Variants in ANKHD1 observed in about 807,000 individuals in gnomAD.
ANKHD1 encodes ankyrin repeat and KH domain-containing protein 1.
In ANKHD1, 31 loss-of-function variants were observed where a neutral mutation model predicts 230.5. The ratio of observed to expected loss-of-function variants is 0.13; its 90% CI spans 0.10 to 0.18. The LOEUF (loss-of-function observed/expected upper bound fraction) is 0.18. Ranked by LOEUF, ANKHD1 falls within the 10% of genes least tolerant of loss-of-function variation. The pLI is 1.00. For missense variants in ANKHD1, 2,256 were observed against 3,071.3 expected (o/e 0.73, Z 6.27); for synonymous variants, 1,074 against 1,117.6 (o/e 0.96, Z 0.78).
intron 5 of ANKHD1, among the ~76,000 whole-genome samples, chr5:140,444,234 A>G (rs1421849959): frequency 1.3e-5 from 2 of 152,070 alleles, no homozygotes; most frequent in African/African-American, 2.4e-5. Flanking sequence ...AACCCCACAG[A>G]TACCCCTCCT....
At chr5:140,528,123 A>G (rs1464002582) in intron 28 of ANKHD1, 61 bp from the exon 29 acceptor site, 2 of 1,503,376 alleles carry the variant, frequency 1.3e-6, no homozygotes, top group Non-Finnish European at 1.8e-6. Context: ...GATGGTTAAG[A>G]TTACCTTTTT....
chr5:140,496,680 G>A lies in ANKHD1; in HGVS notation c.2406G>A (p.Lys802=), dbSNP rs979545710. ...GTGCTATTGAAAAAGCACAGCTTAA[G>A]TCACTGGAGTTAATTCAAGGTGAAC... is the stretch of plus-strand genomic sequence containing the variant. ...RISAIEKAQL[K]SLELIQGEPL... The change falls in exon 15 of 34, where the codon AAG becomes AAA. Residue 802 remains lysine (K), a synonymous_variant. Transcript: ENST00000360839. 8 of 1,613,954 alleles carry A rather than the reference G, an allele frequency of 5.0e-6. No individual in the cohort carries two copies. The highest frequency in any genetic ancestry group is 5.9e-6 in the Non-Finnish European group (7 of 1,180,002).
chr5:140,520,791 G>A (rs1234301081), intron 24 of ANKHD1, among the ~76,000 whole-genome samples: 2 of 120,532 alleles, frequency 1.7e-5, no homozygotes, highest in Admixed American at 9.2e-5. Context: ...GGGTGGGGGG[G>A]AGGGGGGAGG....
chr5:140,440,376 C>T (rs1773761524), intron 4 of ANKHD1, 110 bp downstream of exon 4: 1 of 1,392,718 alleles, frequency 7.2e-7, no homozygotes, highest in South Asian at 1.7e-5. Context: ...TCTTCTCTTC[C>T]CCCATCCTCC....
chr5:140,508,356 C>T (rs1276829616), intron 20 of ANKHD1, among the ~76,000 whole-genome samples: 1 of 152,136 alleles, frequency 6.6e-6, no homozygotes, highest in African/African-American at 2.4e-5. Flanking sequence ...GTAAAAATCC[C>T]AAGCAAAAAT....
In ANKHD1 at chr5:140,436,206, A is replaced by G. The variant is rs767209694; in HGVS notation, c.409A>G (p.Thr137Ala). 1.9e-6 allele frequency: 3 copies of G among 1,606,354 alleles called. No homozygotes were observed. Among genetic ancestry groups the G allele is most frequent in the Admixed American group, 3.4e-5 (2 of 58,684 alleles). ...SSTAEGADLRTVDPETQARLE... is the reference protein window; with the variant it reads ...SSTAEGADLRAVDPETQARLE... Reference sequence around the variant, plus strand: ...TACTGCAGAAGGAGCAGACTTACGCACTGTGGATCCAGAGACACAGGCACG... The same window carrying G: ...TACTGCAGAAGGAGCAGACTTACGCGCTGTGGATCCAGAGACACAGGCACG... Residue 137 changes from threonine to alanine, a missense_variant, in exon 2 of 34, where the codon ACT becomes GCT. Thr to Ala is a moderately conservative substitution (Grantham distance 58). Around this residue, in one of 13 missense-constraint regions of ANKHD1, gnomAD observed 193 missense variants for 185.8 expected, o/e 1.04. Coordinates refer to ENST00000360839, the MANE Select transcript of ANKHD1 (RefSeq NM_017747.3).
Position 140,535,458 on chromosome 5 carries a change from A to G in ANKHD1, c.6947A>G (p.Gln2316Arg), listed in dbSNP as rs149611038. ...SGIPGTRVFL[Q>R]GPAPVGTPSF... ...ATACCAGGAACAAGGGTTTTCCTGCAAGGGCCAGCTCCTGTTGGGACTCCT... is the reference window on the plus strand; with the variant it reads ...ATACCAGGAACAAGGGTTTTCCTGCGAGGGCCAGCTCCTGTTGGGACTCCT... The change falls in exon 30 of 34, where the codon CAA becomes CGA. Residue 2316 changes from glutamine (Q) to arginine (R), a missense_variant. Coordinates refer to ENST00000360839, the MANE Select transcript of ANKHD1 (RefSeq NM_017747.3). The G allele has an allele frequency of 8.8e-5, 142 of 1,613,800 alleles. No homozygotes were observed. In the African/African-American group the frequency reaches 1.7e-3, roughly 20 times the overall value.
At chr5:140,459,565 T>C (rs1349443912) in intron 9 of ANKHD1, among the ~76,000 whole-genome samples, 2 of 152,110 alleles carry the variant, frequency 1.3e-5, no homozygotes, top group African/African-American at 4.8e-5. Context: ...TAAGTTTTAA[T>C]GATATATTGC....
intron 5 of ANKHD1, among the ~76,000 whole-genome samples, chr5:140,444,237 C>T (rs1774100831): frequency 2.0e-5 from 3 of 152,062 alleles, no homozygotes; most frequent in Non-Finnish European, 2.9e-5. Flanking sequence ...CCCACAGATA[C>T]CCCTCCTCGC....
Position 140,496,917 on chromosome 5 carries a change from A to AGGG in ANKHD1, c.2645_2647dup (p.Gly882dup). 1 of 1,614,192 alleles carries AGGG rather than the reference A, an allele frequency of 6.2e-7. No homozygotes were observed. Among genetic ancestry groups the AGGG allele is most frequent in the Non-Finnish European group, 8.5e-7 (1 of 1,180,032 alleles). ...GCTCTCATAGAGGAGTCTTCCCAGA[A>AGGG]GGGGAAGGAGATGGTAGTCTCCCAG... On this transcript the variant is annotated inframe_insertion, in exon 15 of 34. Transcript: ENST00000360839.
intron 7 of ANKHD1, among the ~76,000 whole-genome samples, chr5:140,457,589 C>G (rs1434139337): frequency 6.6e-6 from 1 of 152,050 alleles, no homozygotes; most frequent in Non-Finnish European, 1.5e-5. Flanking sequence ...TCATTCTCAG[C>G]AAACTATCAC....
intron 25 of ANKHD1, among the ~76,000 whole-genome samples, chr5:140,524,472 G>A (rs1016676971): frequency 2.6e-5 from 4 of 152,238 alleles, no homozygotes; most frequent in Non-Finnish European, 5.9e-5. Flanking sequence ...TGTAATTTAA[G>A]TCACCTTGTA....
intron 14 of ANKHD1, among the ~76,000 whole-genome samples, chr5:140,491,090 G>GTA (rs1482029581): frequency 0.023 from 2,186 of 96,556 alleles, 26 homozygotes; most frequent in Non-Finnish European, 0.033. Flanking sequence ...ATGTGTGTGT[G>GTA]TGTATATATA....
At chr5:140,513,079 T>C (rs1752836706) in intron 23 of ANKHD1, among the ~76,000 whole-genome samples, 156 bp downstream of exon 23, 1 of 152,236 alleles carries the variant, frequency 6.6e-6, no homozygotes, top group African/African-American at 2.4e-5. Flanking sequence ...AGGGGTATAA[T>C]ACTTTTGATA....
intron 1 of ANKHD1, among the ~76,000 whole-genome samples, chr5:140,402,829 C>A (rs1304533951): frequency 6.6e-6 from 1 of 152,042 alleles, no homozygotes; most frequent in Admixed American, 6.6e-5. Flanking sequence ...TCACGTGACT[C>A]CTCCTTCTGG....
chr5:140,426,453 G>A (rs1210047369), intron 1 of ANKHD1, among the ~76,000 whole-genome samples: 3 of 152,266 alleles, frequency 2.0e-5, no homozygotes, highest in African/African-American at 7.2e-5. Context: ...TTGAAGGTTG[G>A]TGAGGAGAGG....
At chr5:140,508,728 C>T (rs111976901) in intron 20 of ANKHD1, among the ~76,000 whole-genome samples, 15 of 151,774 alleles carry the variant, frequency 9.9e-5, no homozygotes, top group African/African-American at 3.6e-4. Flanking sequence ...TGCACTCCAG[C>T]CCGTGCAACA....
In ANKHD1 at chr5:140,402,022, G is replaced by T; in HGVS notation, c.55G>T (p.Val19Leu). Residue 19 changes from valine (V) to leucine (L), a missense_variant, in exon 1 of 34, where the codon GTG becomes TTG. Physicochemically the swap from Val to Leu is conservative, Grantham distance 32 (BLOSUM62 1). Transcript: ENST00000360839. The stretch of plus-strand genomic sequence containing the variant: ...CTCCTTTGAGGAGGACCTGGACTCT[G>T]TGGCTCCGCGATCCGCCCCAGCTGG... ...GTSFEEDLDS[V>L]APRSAPAGAS... 6.6e-7 allele frequency: 1 copy of T among 1,511,276 alleles called. No homozygotes were observed. Among genetic ancestry groups the T allele is most frequent in the East Asian group, 2.5e-5 (1 of 39,430 alleles). The allele number at this position is 1,511,276 out of a possible 1,614,324, so 93.6% of individuals were successfully genotyped here. A position where few individuals can be genotyped will look rare whatever the true frequency, so the allele number is the denominator to read the frequency against.
At chr5:140,422,313 T>TGGGG (rs1321069602) in intron 1 of ANKHD1, among the ~76,000 whole-genome samples, 1 of 151,990 alleles carries the variant, frequency 6.6e-6, no homozygotes. Flanking sequence ...TTAGGAGAGA[T>TGGGG]GGGGTTTCAC....
Sources: gnomAD v4.1 joint callset for allele counts (sites outside exome capture counted in the v4.1 genomes callset) on GRCh38, gnomAD v4.1.1 for gene constraint, gnomAD v4.1.1 regional missense constraint, MANE v1.5 for transcripts, NCBI Gene and HGNC (gene_info 2026-07-23, HGNC 2026-07-21) for gene names.